CLUL1: variants seen among roughly 807,000 people sequenced by gnomAD.
The protein encoded by CLUL1 is clusterin like 1.
A neutral mutation model predicts 49.4 loss-of-function variants in CLUL1; 43 were observed. That is an observed-to-expected ratio of 0.87 (90% CI 0.68 to 1.12). The LOEUF (loss-of-function observed/expected upper bound fraction) is 1.12, where lower values mean the gene tolerates loss of function less well. Ranked by LOEUF, CLUL1 falls within the 50% of genes most tolerant of loss-of-function variation. The pLI, the probability that CLUL1 is intolerant of heterozygous loss-of-function variation, is 0.00. For missense variants in CLUL1, 486 were observed against 544.4 expected (o/e 0.89, Z 1.07); for synonymous variants, 192 against 184.9 (o/e 1.04, Z -0.31).
intron 9 of CLUL1, among the ~76,000 whole-genome samples, chr18:647,389 C>T (rs1333075352): frequency 6.6e-6 from 1 of 152,110 alleles, no homozygotes; most frequent in African/African-American, 2.4e-5. Flanking sequence ...CAACCAAGAC[C>T]AGCTCAGCTA....
intron 2 of CLUL1, 124 bp downstream of exon 2, chr18:607,223 A>G: frequency 1.6e-6 from 1 of 624,926 alleles, no homozygotes; most frequent in South Asian, 1.9e-5. Context: ...TGCCTCCCAG[A>G]TTTAAGGGTT....
At chr18:616,556 G>T (rs569686026) in intron 2 of CLUL1, 80 of 161,634 alleles carry the variant, frequency 4.9e-4, no homozygotes, top group Non-Finnish European at 9.0e-4. Context: ...TACACAGCCT[G>T]CCCTCTAGTG....
chr18:648,581 G>GATATAT (rs147379880), intron 9 of CLUL1, among the ~76,000 whole-genome samples: 30 of 148,312 alleles, frequency 2.0e-4, no homozygotes, highest in South Asian at 4.3e-4. Context: ...TATTGTTCTG[G>GATATAT]ATATATATAT....
chr18:636,826 C>G (rs960071548), intron 7 of CLUL1, among the ~76,000 whole-genome samples: 1 of 151,426 alleles, frequency 6.6e-6, no homozygotes, highest in South Asian at 2.1e-4. Context: ...GGGGTTTCAC[C>G]ATGTTGGTTA....
intron 2 of CLUL1, among the ~76,000 whole-genome samples, chr18:610,064 G>A (rs2073087631): frequency 7.0e-6 from 1 of 143,874 alleles, no homozygotes; most frequent in Non-Finnish European, 1.5e-5. Context: ...ACAAGGGATA[G>A]AACGATTCAT....
chr18:630,772 C>T (rs1011015025), intron 6 of CLUL1, among the ~76,000 whole-genome samples: 7 of 144,196 alleles, frequency 4.9e-5, no homozygotes, highest in African/African-American at 1.1e-4. Context: ...GTACAACCTC[C>T]GCCTCCTAGG....
intron 7 of CLUL1, among the ~76,000 whole-genome samples, chr18:637,544 C>T (rs534698529): frequency 1.3e-5 from 2 of 152,256 alleles, no homozygotes; most frequent in East Asian, 1.9e-4. Context: ...ACCTCTACCC[C>T]ACCTTAGAAT....
intron 1 of CLUL1, among the ~76,000 whole-genome samples, chr18:604,969 A>G (rs1007335676): frequency 2.6e-5 from 4 of 152,136 alleles, no homozygotes; most frequent in African/African-American, 9.7e-5. Context: ...TGTTTAGACA[A>G]GCTCCCTGTG....
Position 650,008 on chromosome 18 carries a change from G to A in CLUL1, c.*107G>A. The A allele has an allele frequency of 1.3e-6, 1 of 780,652 alleles. No individual in the cohort carries two copies. Among genetic ancestry groups the A allele is most frequent in the South Asian group, 1.7e-5 (1 of 58,284 alleles). The allele number at this position is 780,652 out of a possible 1,614,324, so 48.4% of individuals were successfully genotyped here. A position where few individuals can be genotyped will look rare whatever the true frequency, so the allele number is the denominator to read the frequency against. ...ATGCAATAAACACAGTTGCAGGAAA[G>A]TATGTTAGCTATATACTATGAAGTA... On this transcript the variant is annotated 3_prime_UTR_variant, in exon 10 of 10. Transcript: ENST00000692774.
At chr18:633,893 G>A (rs1024369620) in intron 7 of CLUL1, among the ~76,000 whole-genome samples, 1 of 150,090 alleles carries the variant, frequency 6.7e-6, no homozygotes, top group African/African-American at 2.5e-5. Flanking sequence ...GAAAAAGGTT[G>A]CTTTACGAGG....
chr18:626,264 C>G (rs1490035830), intron 5 of CLUL1, among the ~76,000 whole-genome samples: 1 of 152,092 alleles, frequency 6.6e-6, no homozygotes, highest in Non-Finnish European at 1.5e-5. Context: ...AGGCGCCCAC[C>G]ACCACGCCTA....
chr18:635,293 A>G (rs1020066802), intron 7 of CLUL1, among the ~76,000 whole-genome samples: 1 of 152,108 alleles, frequency 6.6e-6, no homozygotes, highest in African/African-American at 2.4e-5. Context: ...GGAGCGCTCA[A>G]CCTAGACCCT....
chr18:598,829 CTCTT>C (rs1225102657), intron 1 of CLUL1, among the ~76,000 whole-genome samples: 1 of 152,158 alleles, frequency 6.6e-6, no homozygotes, highest in Non-Finnish European at 1.5e-5. Context: ...AAAGCACCCC[CTCTT>C]TCTTTTTTTC....
chr18:630,834 G>A (rs1199172921), intron 6 of CLUL1, among the ~76,000 whole-genome samples: 3 of 151,228 alleles, frequency 2.0e-5, no homozygotes, highest in Non-Finnish European at 4.4e-5. Context: ...CTACAGGCAC[G>A]TGCCACCACG....
chr18:623,981 C>T (rs552378032), intron 4 of CLUL1, among the ~76,000 whole-genome samples: 2 of 152,296 alleles, frequency 1.3e-5, no homozygotes, highest in East Asian at 1.9e-4. Flanking sequence ...TTCCCCTGCA[C>T]GATATCTCGG....
chr18:628,054 C>T (rs1197135200), intron 6 of CLUL1, among the ~76,000 whole-genome samples: 4 of 152,160 alleles, frequency 2.6e-5, no homozygotes, highest in East Asian at 3.9e-4. Context: ...CTCAAACTCC[C>T]GACCTCAGGT....
chr18:618,091 A>T lies in CLUL1; in HGVS notation c.91A>T (p.Ser31Cys), dbSNP rs757382899. Residue 31 changes from serine (S) to cysteine (C), a missense_variant, in exon 3 of 10, where the codon AGT becomes TGT. Transcript: ENST00000692774. The surrounding 1 kb of genome is among the most constrained non-coding windows in gnomAD (Gnocchi z 4.2). ...APTWKDKTAISENLKSFSEVG... is the reference protein window; with the variant it reads ...APTWKDKTAICENLKSFSEVG... Reference sequence around the variant, plus strand: ...CACTTGGAAGGACAAAACTGCTATCAGTGAAAACCTGAAGAGTACGTTTGG... The same window carrying T: ...CACTTGGAAGGACAAAACTGCTATCTGTGAAAACCTGAAGAGTACGTTTGG... 1.2e-6 allele frequency: 2 copies of T among 1,613,390 alleles called. No homozygotes were observed. The highest frequency in any genetic ancestry group is 2.7e-5 in the African/African-American group (2 of 75,052).
At chr18:645,662 C>T (rs957832284) in intron 9 of CLUL1, among the ~76,000 whole-genome samples, 34 of 149,034 alleles carry the variant, frequency 2.3e-4, no homozygotes, top group South Asian at 8.5e-4. Flanking sequence ...GGCGTGGTGG[C>T]GGGCGCCTGT....
Position 613,995 on chromosome 18 carries a change from G to A in CLUL1, c.-13-3993G>A, listed in dbSNP as rs919688994. On this transcript the variant is annotated intron_variant, in intron 2 of 9. Coordinates refer to ENST00000692774, the MANE Select transcript of CLUL1 (RefSeq NM_001393344.1). ...TAATCACAGAACTTCAGAGCTGGGAGTAACAGCTGGAAATATTTCTTCCAA... is the reference window on the plus strand; with the variant it reads ...TAATCACAGAACTTCAGAGCTGGGAATAACAGCTGGAAATATTTCTTCCAA... 2.6e-5 allele frequency among the ~76,000 whole-genome samples: 4 copies of A among 152,304 alleles called. No homozygotes were observed. In the South Asian group the frequency reaches 6.2e-4, roughly 24 times the overall value.
Sources: allele counts gnomAD v4.1 joint callset (sites outside exome capture counted in the v4.1 genomes callset), GRCh38; gene constraint gnomAD v4.1.1; non-coding constraint Gnocchi (gnomAD v3.1); transcripts MANE v1.5; gene names NCBI Gene and HGNC (gene_info 2026-07-23, HGNC 2026-07-21).